FSTL5: variants seen among roughly 807,000 people sequenced by gnomAD.
FSTL5 encodes the protein follistatin-related protein 5.
Under a neutral mutation model 89.1 loss-of-function variants are expected in FSTL5, and 62 were observed. That is an observed-to-expected ratio of 0.70 (90% CI 0.57 to 0.86). The LOEUF (loss-of-function observed/expected upper bound fraction) is 0.86, where lower values mean the gene tolerates loss of function less well. Ranked by LOEUF, FSTL5 falls within the 40% of genes least tolerant of loss-of-function variation. The pLI is 0.00. For synonymous variants in FSTL5, 383 were observed against 346.2 expected (o/e 1.11, Z -1.18); for missense variants, 1,057 against 1,001.6 (o/e 1.06, Z -0.75).
intron 7 of FSTL5, among the ~76,000 whole-genome samples, chr4:161,606,559 T>C (rs559668635): frequency 6.6e-6 from 1 of 152,166 alleles, no homozygotes; most frequent in Non-Finnish European, 1.5e-5. Context: ...GTGTCATGTA[T>C]GTAGCAAAAA....
intron 6 of FSTL5, among the ~76,000 whole-genome samples, chr4:161,721,552 C>A (rs909079065): frequency 6.6e-6 from 1 of 151,976 alleles, no homozygotes; most frequent in Admixed American, 6.6e-5. Context: ...AAAGGGGTTT[C>A]AAAAATGCCA....
At chr4:162,019,265 A>G (rs1445493231) in intron 3 of FSTL5, among the ~76,000 whole-genome samples, 1 of 152,100 alleles carries the variant, frequency 6.6e-6, no homozygotes, top group Non-Finnish European at 1.5e-5. Context: ...TTAAAACTCT[A>G]GCTAATCATA....
chr4:162,114,359 G>C (rs1731553899), intron 1 of FSTL5, among the ~76,000 whole-genome samples: 1 of 152,136 alleles, frequency 6.6e-6, no homozygotes, highest in African/African-American at 2.4e-5. Context: ...TGCTGCTTCT[G>C]TTGTCCACGA....
intron 3 of FSTL5, among the ~76,000 whole-genome samples, chr4:161,999,905 G>T (rs1354379350): frequency 6.6e-6 from 1 of 152,152 alleles, no homozygotes; most frequent in Non-Finnish European, 1.5e-5. Flanking sequence ...ATTCACCTCC[G>T]ATTTCCCAAG....
At chr4:161,822,353 A>G (rs550821246) in intron 4 of FSTL5, among the ~76,000 whole-genome samples, 51 of 152,218 alleles carry the variant, frequency 3.4e-4, no homozygotes, top group African/African-American at 1.2e-3. Context: ...CTCAGATTCC[A>G]TGCCTGCCAA....
intron 4 of FSTL5, among the ~76,000 whole-genome samples, chr4:161,779,113 G>A (rs1232953607): frequency 2.6e-5 from 4 of 152,146 alleles, no homozygotes; most frequent in Non-Finnish European, 5.9e-5. Flanking sequence ...TTTAAAACTG[G>A]GGAGAGGGAT....
chr4:161,745,497 A>G (rs776694945), intron 6 of FSTL5, among the ~76,000 whole-genome samples: 24 of 152,140 alleles, frequency 1.6e-4, no homozygotes, highest in Non-Finnish European at 2.4e-4. Flanking sequence ...AGTGGGGTAT[A>G]TAGCATTTTC....
At chr4:161,660,598 A>G (rs1318656475) in intron 6 of FSTL5, among the ~76,000 whole-genome samples, 2 of 151,860 alleles carry the variant, frequency 1.3e-5, no homozygotes, top group Admixed American at 6.6e-5. Context: ...CCCATTAGTT[A>G]TTTTTCCTGA....
chr4:161,606,424 G>T (rs1185872743), intron 7 of FSTL5, among the ~76,000 whole-genome samples: 1 of 151,564 alleles, frequency 6.6e-6, no homozygotes, highest in Non-Finnish European at 1.5e-5. Context: ...TAGAGACGGG[G>T]TTGCACCATG....
intron 15 of FSTL5, among the ~76,000 whole-genome samples, chr4:161,453,706 C>T (rs1176960242): frequency 2.0e-5 from 3 of 152,058 alleles, no homozygotes; most frequent in Non-Finnish European, 4.4e-5. Context: ...GCAATCCTCC[C>T]GCCTCATCCT....
intron 2 of FSTL5, among the ~76,000 whole-genome samples, chr4:162,106,657 G>A (rs1013149462): frequency 1.3e-5 from 2 of 152,102 alleles, no homozygotes. Context: ...GAAACAGGGA[G>A]CCAAAATGGT....
intron 2 of FSTL5, among the ~76,000 whole-genome samples, chr4:162,064,060 T>C (rs1282717751): frequency 6.6e-6 from 1 of 152,020 alleles, no homozygotes; most frequent in Non-Finnish European, 1.5e-5. Context: ...ATCTTCTCTC[T>C]GTTAATTATT....
intron 3 of FSTL5, among the ~76,000 whole-genome samples, chr4:161,949,639 AACGTATTGTTT>A (rs56797774): frequency 0.07 from 10,577 of 151,886 alleles, 1,013 homozygotes; most frequent in African/African-American, 0.22. Context: ...GCAGATTTCA[AACGTATTGTTT>A]ATAGTAATTA....
intron 6 of FSTL5, among the ~76,000 whole-genome samples, chr4:161,686,066 G>A (rs1737699473): frequency 6.6e-6 from 1 of 151,440 alleles, no homozygotes; most frequent in Non-Finnish European, 1.5e-5. Flanking sequence ...TTATTGACTT[G>A]CGTATGTGAA....
chr4:161,547,430 A>C (rs1398864688), intron 8 of FSTL5, among the ~76,000 whole-genome samples: 1 of 151,982 alleles, frequency 6.6e-6, no homozygotes, highest in African/African-American at 2.4e-5. Context: ...GATAACTAAT[A>C]AAATCCCCAG....
rs550833539 is a variant in FSTL5 at position 161,407,946 on chromosome 4, C to A, written c.1842-21497G>T. 1.1e-4 allele frequency among the ~76,000 whole-genome samples: 16 copies of A among 152,298 alleles called. No individual in the cohort carries two copies. The South Asian group carries it at 3.3e-3, about 32-fold the overall frequency. On this transcript the variant is annotated intron_variant, in intron 15 of 15. Transcript: ENST00000306100. Reference sequence around the variant, plus strand: ...GGGTAAACATGAGGAGGTCCTAGTACCAGAGAGCTGTGGCCTGTGGCTCAG... The same window carrying A: ...GGGTAAACATGAGGAGGTCCTAGTAACAGAGAGCTGTGGCCTGTGGCTCAG...
intron 15 of FSTL5, among the ~76,000 whole-genome samples, chr4:161,452,099 T>C (rs891334170): frequency 3.3e-5 from 5 of 152,220 alleles, no homozygotes; most frequent in Admixed American, 1.3e-4. Flanking sequence ...AGTTAGAATG[T>C]AGTGTCAAAT....
Position 161,775,989 on chromosome 4 carries a change from A to G in FSTL5, c.495T>C (p.Asn165=). ...LQNQKYIMQE[N]ENPNGDDISR... ...ATATGTCGTCGCCATTAGGATTTTC[A>G]TTTTCTTGCATAATATATTTTTGAT... Residue 165 remains asparagine, a synonymous_variant, in exon 5 of 16, where the codon AAT becomes AAC. Coordinates refer to ENST00000306100, the MANE Select transcript of FSTL5 (RefSeq NM_020116.5). 1 of 1,598,386 alleles carries G rather than the reference A, an allele frequency of 6.3e-7. No individual in the cohort carries two copies. Among genetic ancestry groups the G allele is most frequent in the South Asian group, 1.1e-5 (1 of 89,504 alleles).
intron 4 of FSTL5, among the ~76,000 whole-genome samples, chr4:161,879,848 T>C (rs1732569587): frequency 6.6e-6 from 1 of 152,220 alleles, no homozygotes; most frequent in Non-Finnish European, 1.5e-5. Flanking sequence ...CTATCCAGCA[T>C]ATTTTATAGT....
Sources: gnomAD v4.1 joint callset for allele counts (sites outside exome capture counted in the v4.1 genomes callset) on GRCh38, gnomAD v4.1.1 for gene constraint, MANE v1.5 for transcripts, NCBI Gene and HGNC (gene_info 2026-07-23, HGNC 2026-07-21) for gene names.